The following FOCAD variants were observed in gnomAD, a reference collection of about 807,000 sequenced individuals.
FOCAD encodes KIAA1797.
A neutral mutation model predicts 225.6 loss-of-function variants in FOCAD; 198 were observed. That is an observed-to-expected ratio of 0.88 (90% CI 0.78 to 0.99). The LOEUF is 0.99. Among genes scored for constraint, FOCAD ranks in the 50% least tolerant of loss-of-function variants. The pLI is 0.00. For missense variants in FOCAD, 2,713 were observed against 2,123.6 expected (o/e 1.28, Z -5.46); for synonymous variants, 897 against 755.0 (o/e 1.19, Z -3.08).
At chr9:20,820,895 C>G (rs373249536) in intron 13 of FOCAD, 46 bp from the exon 14 acceptor site, 1 of 1,594,616 alleles carries the variant, frequency 6.3e-7, no homozygotes, top group Non-Finnish European at 8.5e-7. Context: ...AATGATTATT[C>G]AACTCAAGTT....
rs12238394 is a variant in FOCAD, at chr9:20,874,518, A to G, written c.2191-163A>G. ...GTCATGACCATTTAGTTAATCTAAA[A>G]AATGAATAGATTTTTAAAAAATTAA... On this transcript the variant is annotated intron_variant, in intron 18 of 43. Coordinates refer to ENST00000338382, the MANE Select transcript of FOCAD (RefSeq NM_001375567.1). The G allele has an allele frequency of 7.2e-3, 4,610 of 639,212 alleles. 249 individuals carry two copies. In the East Asian group the frequency reaches 0.12, roughly 16 times the overall value. The allele number at this position is 639,212 out of a possible 1,614,324, so 39.6% of individuals were successfully genotyped here.
At chr9:20,928,053 G>A (rs1358674145) in intron 26 of FOCAD, among the ~76,000 whole-genome samples, 2 of 152,082 alleles carry the variant, frequency 1.3e-5, no homozygotes, top group African/African-American at 4.8e-5. Flanking sequence ...TGTCAGAAGT[G>A]TTCTTATTTC....
At chr9:20,721,890 T>G (rs1372671674) in intron 4 of FOCAD, among the ~76,000 whole-genome samples, 1 of 49,304 alleles carries the variant, frequency 2.0e-5, no homozygotes, top group African/African-American at 1.0e-4. Flanking sequence ...CTCCCCTTCC[T>G]CCCCCTCCCC....
At chr9:20,765,096 C>T in intron 7 of FOCAD, 23 bp downstream of exon 7, 6 of 1,595,540 alleles carry the variant, frequency 3.8e-6, no homozygotes, top group Non-Finnish European at 5.1e-6. Context: ...TCCTCCTCCA[C>T]AAATATAGGT....
At position 20,929,457 on chromosome 9, in the gene FOCAD, G is replaced by A; in HGVS notation, c.3178G>A (p.Glu1060Lys). 1.2e-6 allele frequency: 2 copies of A among 1,614,136 alleles called. No individual in the cohort carries two copies. The highest frequency in any genetic ancestry group is 1.7e-6 in the Non-Finnish European group (2 of 1,180,026). The change falls in exon 27 of 44, where the codon GAG becomes AAG. Residue 1060 changes from glutamate to lysine, a missense_variant. Transcript: ENST00000338382. The stretch of plus-strand genomic sequence containing the variant: ...GCCAGTTTTCATTATCTCTTGCAAA[G>A]AGAAGGTTGAGGAAATCCTGAACAT... Reference protein sequence around the residue: ...LVPVFIISCKEKVEEILNMLT... With the variant: ...LVPVFIISCKKKVEEILNMLT...
intron 1 of FOCAD, among the ~76,000 whole-genome samples, chr9:20,706,315 A>G (rs1013296803): frequency 6.6e-6 from 1 of 152,022 alleles, no homozygotes; most frequent in Non-Finnish European, 1.5e-5. Context: ...CCTGCCTTTG[A>G]TCTTATTTTA....
chr9:20,721,906 TTC>T (rs1825805791), intron 4 of FOCAD, among the ~76,000 whole-genome samples: 1 of 29,630 alleles, frequency 3.4e-5, no homozygotes, highest in Non-Finnish European at 5.9e-5. Context: ...TCCCCTCCCT[TTC>T]CTTTTCCTTC....
At chr9:20,809,827 T>C (rs1263822857) in intron 11 of FOCAD, among the ~76,000 whole-genome samples, 4 of 148,394 alleles carry the variant, frequency 2.7e-5, no homozygotes, top group Non-Finnish European at 4.5e-5. Context: ...CACATATTTT[T>C]GATGGCTGGA....
chr9:20,968,136 G>GC (rs1038996859), intron 35 of FOCAD, among the ~76,000 whole-genome samples: 36 of 152,004 alleles, frequency 2.4e-4, no homozygotes, highest in Non-Finnish European at 4.6e-4. Flanking sequence ...CTCTTTACTT[G>GC]TTATAGGTCT....
At chr9:20,909,869 T>C (rs927700406) in intron 22 of FOCAD, among the ~76,000 whole-genome samples, 3 of 152,132 alleles carry the variant, frequency 2.0e-5, no homozygotes, top group Non-Finnish European at 4.4e-5. Context: ...GAAGACACTT[T>C]TTCTGTACAG....
chr9:20,946,906 T>TCAA, intron 30 of FOCAD, 86 bp downstream of exon 30: 1 of 1,493,764 alleles, frequency 6.7e-7, no homozygotes, highest in Non-Finnish European at 9.1e-7. Flanking sequence ...AATTAGAGTA[T>TCAA]AATGGGATAT....
At chr9:20,656,183 A>T (rs947145954), upstream of FOCAD, among the ~76,000 whole-genome samples, 13 of 148,774 alleles carry the variant, frequency 8.7e-5, no homozygotes, top group Admixed American at 2.0e-4. Context: ...TGCTGAGGAG[A>T]GCTTTACTTC....
intron 22 of FOCAD, among the ~76,000 whole-genome samples, chr9:20,909,026 T>G (rs1833217223): frequency 1.3e-5 from 2 of 152,026 alleles, no homozygotes; most frequent in Admixed American, 6.6e-5. Flanking sequence ...GAGAAAGGGA[T>G]GAAGAGCTCC....
At chr9:20,910,046 A>G (rs1293519351) in intron 22 of FOCAD, among the ~76,000 whole-genome samples, 1 of 152,112 alleles carries the variant, frequency 6.6e-6, no homozygotes, top group Non-Finnish European at 1.5e-5. Flanking sequence ...AGATCTGAAC[A>G]CTACTTGTAG....
In FOCAD at chr9:20,948,430, A is replaced by G. The variant is rs369647267; in HGVS notation, c.3798+37A>G. On this transcript the variant is annotated intron_variant, in intron 31 of 43. Coordinates refer to ENST00000338382, the MANE Select transcript of FOCAD (RefSeq NM_001375567.1). ...CTGTTGTATGCTATTTCATATTTTT[A>G]TAATGGAAAAAGAACTACTTTATTG... The G allele has an allele frequency of 2.3e-5, 37 of 1,595,066 alleles. No homozygotes were observed. The African/African-American group carries it at 4.9e-4, about 21-fold the overall frequency.
chr9:20,944,289 C>T (rs1350063603), intron 28 of FOCAD, among the ~76,000 whole-genome samples: 1 of 152,196 alleles, frequency 6.6e-6, no homozygotes, highest in East Asian at 1.9e-4. Context: ...GGGAAAACTA[C>T]AGCATTTCTG....
intron 1 of FOCAD, among the ~76,000 whole-genome samples, chr9:20,700,568 C>T (rs1480012696): frequency 6.6e-6 from 1 of 150,766 alleles, no homozygotes; most frequent in Non-Finnish European, 1.5e-5. Context: ...TAGGATGTGT[C>T]TAAAAAGAAT....
intron 24 of FOCAD, among the ~76,000 whole-genome samples, chr9:20,922,036 G>A (rs1202834372): frequency 6.6e-6 from 1 of 152,118 alleles, no homozygotes; most frequent in Non-Finnish European, 1.5e-5. Context: ...AGTAGGAAAG[G>A]CCTCAGGATA....
intron 11 of FOCAD, among the ~76,000 whole-genome samples, chr9:20,801,505 T>G (rs1011816319): frequency 4.6e-5 from 7 of 152,130 alleles, no homozygotes; most frequent in Non-Finnish European, 8.8e-5. Flanking sequence ...TTAATTGTAA[T>G]TTAGGATACA....
Sources: allele counts gnomAD v4.1 joint callset (sites outside exome capture counted in the v4.1 genomes callset), GRCh38; gene constraint gnomAD v4.1.1; transcripts MANE v1.5; gene names NCBI Gene and HGNC (gene_info 2026-07-23, HGNC 2026-07-21).